IL31RA: variants seen among roughly 807,000 people sequenced by gnomAD.
IL31RA encodes the protein interleukin-31 receptor subunit alpha.
In IL31RA, 66 loss-of-function variants were observed where a neutral mutation model predicts 83.7. The observed-to-expected ratio is 0.79, with a 90% confidence interval of 0.65 to 0.97. The LOEUF is 0.97. Ranked by LOEUF, IL31RA falls within the 50% of genes least tolerant of loss-of-function variation. The probability of loss-of-function intolerance (pLI) is 0.00; values close to 1 mark genes in which losing one functional copy is unlikely to be tolerated. For synonymous variants in IL31RA, 325 were observed against 329.0 expected (o/e 0.99, Z 0.13); for missense variants, 798 against 919.4 (o/e 0.87, Z 1.71).
In IL31RA at chr5:55,922,498, T is replaced by A; in HGVS notation, c.*5378T>A. ...CAAATTAGAAAGGACATGCAGAGTT[T>A]TCCAACTAGGAAGACTGAATCTGTG... is the stretch of plus-strand genomic sequence containing the variant. On this transcript the variant is annotated 3_prime_UTR_variant, in exon 15 of 15. Transcript: ENST00000652347. The A allele has an allele frequency of 7.4e-7, 1 of 1,358,166 alleles. No homozygotes were observed. Among genetic ancestry groups the A allele is most frequent in the Non-Finnish European group, 1.0e-6 (1 of 977,050 alleles). 84.1% of individuals were successfully genotyped at this position (1,358,166 alleles called of 1,614,324 possible). A position where few individuals can be genotyped will look rare whatever the true frequency, so the allele number is the denominator to read the frequency against.
chr5:55,886,770 G>C (rs1747642921), intron 5 of IL31RA, among the ~76,000 whole-genome samples: 1 of 152,170 alleles, frequency 6.6e-6, no homozygotes, highest in Admixed American at 6.5e-5. Flanking sequence ...TGAATTGCTT[G>C]TTTCCCTTGC....
chr5:55,880,190 G>A (rs1362839952), intron 4 of IL31RA, among the ~76,000 whole-genome samples: 4 of 152,136 alleles, frequency 2.6e-5, no homozygotes, highest in East Asian at 1.9e-4. Flanking sequence ...TATGTCTATT[G>A]TATACAGCTC....
At chr5:55,915,830 T>A (rs1364241640) in intron 14 of IL31RA, among the ~76,000 whole-genome samples, 1 of 152,168 alleles carries the variant, frequency 6.6e-6, no homozygotes, top group Admixed American at 6.6e-5. Flanking sequence ...AATCCGTAGG[T>A]TGGACCTCTA....
intron 6 of IL31RA, among the ~76,000 whole-genome samples, chr5:55,894,380 G>A (rs139601637): frequency 7.9e-5 from 12 of 152,246 alleles, no homozygotes; most frequent in Admixed American, 1.3e-4. Flanking sequence ...TTTGAGTACC[G>A]GCTGTCCTGT....
intron 13 of IL31RA, among the ~76,000 whole-genome samples, chr5:55,914,549 T>A (rs1749676487): frequency 6.6e-6 from 1 of 152,196 alleles, no homozygotes; most frequent in Non-Finnish European, 1.5e-5. Flanking sequence ...GACTCTGTGA[T>A]GGTGCAATTT....
chr5:55,917,443 G>T lies in IL31RA; in HGVS notation c.*323G>T, dbSNP rs565021251. 2 of 720,414 alleles carry T rather than the reference G, an allele frequency of 2.8e-6. No homozygotes were observed. The highest frequency in any genetic ancestry group is 1.1e-4 in the East Asian group (2 of 17,666). The allele number at this position is 720,414 out of a possible 1,614,324, so 44.6% of individuals were successfully genotyped here. A position where few individuals can be genotyped will look rare whatever the true frequency, so the allele number is the denominator to read the frequency against. On this transcript the variant is annotated 3_prime_UTR_variant, in exon 15 of 15. Coordinates refer to ENST00000652347, the MANE Select transcript of IL31RA (RefSeq NM_139017.7). ...GTTCTGAGCCCAAAGGACCCCCAGGGTGGACATATCTGGCCTCCCAGGAAT... is the reference window on the plus strand; with the variant it reads ...GTTCTGAGCCCAAAGGACCCCCAGGTTGGACATATCTGGCCTCCCAGGAAT...
chr5:55,892,220 C>T (rs1428753257), intron 6 of IL31RA, among the ~76,000 whole-genome samples: 2 of 152,282 alleles, frequency 1.3e-5, no homozygotes, highest in Non-Finnish European at 2.9e-5. Flanking sequence ...TCCTCTGAGG[C>T]TTTAACCTTA....
In IL31RA at chr5:55,908,284, G is replaced by A. The variant is rs769230042; in HGVS notation, c.1374G>A (p.Glu458=). ...TTCCAGTTCCATCAGAAGGTCCTGA[G>A]ACCAAGGTGGAGAACATTGGCGTGA... ...AKEGVPSEGP[E]TKVENIGVKT... The change falls in exon 11 of 15, where the codon GAG becomes GAA. Residue 458 remains glutamate (E), a synonymous_variant. Coordinates refer to ENST00000652347, the MANE Select transcript of IL31RA (RefSeq NM_139017.7). The A allele has an allele frequency of 1.9e-6, 3 of 1,614,066 alleles. No homozygotes were observed. Among genetic ancestry groups the A allele is most frequent in the Admixed American group, 3.3e-5 (2 of 60,002 alleles).
intron 6 of IL31RA, among the ~76,000 whole-genome samples, chr5:55,892,636 C>A (rs971926599): frequency 1.3e-5 from 2 of 152,194 alleles, no homozygotes; most frequent in African/African-American, 4.8e-5. Flanking sequence ...TGATTAAGTG[C>A]TCCCTTGGGT....
chr5:55,865,095 G>A (rs1170520390), intron 2 of IL31RA, among the ~76,000 whole-genome samples: 1 of 152,216 alleles, frequency 6.6e-6, no homozygotes, highest in African/African-American at 2.4e-5. Context: ...CATTCTGTTT[G>A]CTGACCCCAA....
chr5:55,892,618 C>G (rs1748070977), intron 6 of IL31RA, among the ~76,000 whole-genome samples: 1 of 152,176 alleles, frequency 6.6e-6, no homozygotes, highest in African/African-American at 2.4e-5. Context: ...TTTCAGCAGG[C>G]AAGCTGATGA....
intron 7 of IL31RA, 80 bp downstream of exon 7, chr5:55,896,509 C>A: frequency 1.2e-6 from 1 of 804,358 alleles, no homozygotes; most frequent in Non-Finnish European, 2.1e-6. Context: ...TCCCTCCCTT[C>A]CATCCCTTCC....
rs140697054 is a variant in IL31RA at position 55,863,529 on chromosome 5, G to A, written c.154+3930G>A. On this transcript the variant is annotated intron_variant, in intron 2 of 14. Transcript: ENST00000652347. ...GAGAGTCATGCGCCATCACTTGGAC[G>A]CTTCCTCTCACATGGCAAAGGCCAA... Among the ~76,000 whole-genome samples, 853 of 152,334 alleles carry A rather than the reference G, an allele frequency of 5.6e-3. 5 individuals carry two copies. Among genetic ancestry groups the A allele is most frequent in the Non-Finnish European group, 9.0e-3 (613 of 68,032 alleles).
At chr5:55,910,703 C>T (rs1408551576) in intron 12 of IL31RA, 31 bp downstream of exon 12, 3 of 1,611,602 alleles carry the variant, frequency 1.9e-6, no homozygotes, top group Non-Finnish European at 2.5e-6. Context: ...TTAGGTACCT[C>T]TCCCTCACGT....
At chr5:55,851,658 A>T (rs1381049078) in intron 1 of IL31RA, 25 bp downstream of exon 1, 1 of 1,613,860 alleles carries the variant, frequency 6.2e-7, no homozygotes, top group Admixed American at 1.7e-5. Flanking sequence ...GGGGGGTTAC[A>T]AATAATTCCT....
At chr5:55,900,235 G>A in intron 8 of IL31RA, 103 bp downstream of exon 8, 1 of 848,350 alleles carries the variant, frequency 1.2e-6, no homozygotes, top group Non-Finnish European at 2.0e-6. Flanking sequence ...GAGTCAAAAT[G>A]AAAATGGAGT....
At chr5:55,889,051 T>A (rs1010388577) in intron 5 of IL31RA, among the ~76,000 whole-genome samples, 2 of 152,330 alleles carry the variant, frequency 1.3e-5, no homozygotes, top group Middle Eastern at 3.4e-3. Context: ...TGCCTATTAG[T>A]GCAGTTTATT....
chr5:55,840,247 A>G, the IL31RA span, among the ~76,000 whole-genome samples: 1 of 152,212 alleles, frequency 6.6e-6, no homozygotes, highest in Admixed American at 6.5e-5. Context: ...GAAATTGGCC[A>G]TAGTGGAAGT....
upstream of IL31RA, among the ~76,000 whole-genome samples, chr5:55,848,482 A>G (rs1053068533): frequency 6.6e-6 from 1 of 152,022 alleles, no homozygotes; most frequent in African/African-American, 2.4e-5. Flanking sequence ...TTTCCTTACT[A>G]TCTGGTACTA....
Sources: gnomAD v4.1 joint callset for allele counts (sites outside exome capture counted in the v4.1 genomes callset) on GRCh38, gnomAD v4.1.1 for gene constraint, MANE v1.5 for transcripts, NCBI Gene and HGNC (gene_info 2026-07-23, HGNC 2026-07-21) for gene names.